Variants in SUGCT observed in about 807,000 individuals in gnomAD.
The protein encoded by SUGCT is succinyl-CoA:glutarate CoA-transferase.
SUGCT carries 41 observed loss-of-function variants against 55.0 expected under a neutral mutation model. The observed-to-expected ratio is 0.74, with a 90% CI of 0.58 to 0.97. SUGCT has a LOEUF of 0.97. Ranked by LOEUF, SUGCT falls within the 50% of genes least tolerant of loss-of-function variation. The pLI, the probability that SUGCT is intolerant of heterozygous loss-of-function variation, is 0.00. For missense variants in SUGCT, 568 were observed against 547.8 expected, an observed-to-expected ratio of 1.04 and a Z score of -0.37; for synonymous variants, 187 against 200.4, an observed-to-expected ratio of 0.93 and a Z score of 0.56.
chr7:40,604,824 C>T (rs532665863), intron 12 of SUGCT, among the ~76,000 whole-genome samples: 1 of 152,298 alleles, frequency 6.6e-6, no homozygotes, highest in East Asian at 1.9e-4. Flanking sequence ...TGCTCCCAAA[C>T]GGGTTTGCCT....
intron 9 of SUGCT, among the ~76,000 whole-genome samples, chr7:40,398,172 ACCTCCG>A (rs1286795704): frequency 2.6e-5 from 4 of 151,990 alleles, no homozygotes; most frequent in Non-Finnish European, 5.9e-5. Context: ...GCACGCTGCA[ACCTCCG>A]CCTCCCGGGT....
rs528484142 is a variant in SUGCT, at chr7:40,840,612, G to A, written c.1154-19704G>A. On this transcript the variant is annotated intron_variant, in intron 13 of 13. Transcript: ENST00000335693. ...ATGTTTACATCAGCGGAGACAAAAC[G>A]TCTCAAATCAATCATCTAAGTTTCT... is the stretch of plus-strand genomic sequence containing the variant. 7.2e-5 allele frequency among the ~76,000 whole-genome samples: 11 copies of A among 152,030 alleles called. No individual in the cohort carries two copies. The South Asian group carries it at 1.0e-3, about 14-fold the overall frequency.
chr7:40,418,705 A>G (rs4364550), intron 9 of SUGCT, among the ~76,000 whole-genome samples: 106,369 of 151,874 alleles, frequency 0.7, 37,698 homozygotes, highest in East Asian at 0.99. Context: ...TACAAGCGGG[A>G]TGTGGCCTGG....
At chr7:40,477,383 C>T (rs921935100) in intron 11 of SUGCT, among the ~76,000 whole-genome samples, 1 of 152,064 alleles carries the variant, frequency 6.6e-6, no homozygotes, top group Admixed American at 6.6e-5. Context: ...AAAGTGACTT[C>T]TTTCTGAATG....
At chr7:40,538,626 A>G (rs1237305775) in intron 12 of SUGCT, 2 of 152,230 alleles carry the variant, frequency 1.3e-5, no homozygotes, top group African/African-American at 4.8e-5. Flanking sequence ...TAGACAAGGT[A>G]TATTTAGCTT....
intron 9 of SUGCT, among the ~76,000 whole-genome samples, chr7:40,436,142 C>T (rs1788165565): frequency 6.6e-6 from 1 of 151,950 alleles, no homozygotes; most frequent in Admixed American, 6.6e-5. Flanking sequence ...AGGGTTTCGT[C>T]ATGTTGGCCA....
intron 12 of SUGCT, among the ~76,000 whole-genome samples, chr7:40,706,057 G>A (rs76759290): frequency 6.6e-6 from 1 of 152,026 alleles, no homozygotes; most frequent in Non-Finnish European, 1.5e-5. Flanking sequence ...GCCTAGGAAG[G>A]GCTCAGCATT....
At position 40,849,493 on chromosome 7, in the gene SUGCT, ATAT is replaced by A. The variant is rs1793743218; in HGVS notation, c.1154-10819_1154-10817del. On this transcript the variant is annotated intron_variant, in intron 13 of 13. Coordinates refer to ENST00000335693, the MANE Select transcript of SUGCT (RefSeq NM_001193313.2). ...AGGTCCCTTCCCTCATGATGATGTG[ATAT>A]TATGTTCCCATTACTTGAATATTCA... Among the ~76,000 whole-genome samples the A allele has an allele frequency of 2.0e-5, 3 of 152,176 alleles. No individual in the cohort carries two copies. In the East Asian group the frequency reaches 5.8e-4, roughly 29 times the overall value.
rs1357177110 is a variant in SUGCT at position 40,598,427 on chromosome 7, C to A, written c.1089+102041C>A. ...CAATTAATTCATGTATATCAGCATG[C>A]CAGGTCATTACTATACAGGCAGATG... On this transcript the variant is annotated intron_variant, in intron 12 of 13. Transcript: ENST00000335693. Among the ~76,000 whole-genome samples the A allele has an allele frequency of 2.6e-5, 4 of 152,136 alleles. No individual in the cohort carries two copies. The East Asian group carries it at 7.7e-4, about 29-fold the overall frequency.
At chr7:40,198,751 C>A (rs1229923779) in intron 6 of SUGCT, among the ~76,000 whole-genome samples, 1 of 150,588 alleles carries the variant, frequency 6.6e-6, no homozygotes, top group Non-Finnish European at 1.5e-5. Flanking sequence ...AATCCCAACA[C>A]TTTGAGAGGC....
the SUGCT span, among the ~76,000 whole-genome samples, chr7:40,996,778 G>A: frequency 6.6e-5 from 10 of 152,238 alleles, no homozygotes; most frequent in African/African-American, 2.4e-4. Context: ...GTTTCCCAAG[G>A]CAACCCCAAG....
the SUGCT span, among the ~76,000 whole-genome samples, chr7:41,003,312 G>T: frequency 6.6e-6 from 1 of 152,108 alleles, no homozygotes; most frequent in African/African-American, 2.4e-5. Context: ...AGCAGAAGCT[G>T]GACCTTGACA....
chr7:41,010,098 C>T, the SUGCT span, among the ~76,000 whole-genome samples: 1 of 152,192 alleles, frequency 6.6e-6, no homozygotes, highest in African/African-American at 2.4e-5. Context: ...TGCCCTCTAA[C>T]CTCACACCAC....
the SUGCT span, among the ~76,000 whole-genome samples, chr7:40,946,388 G>C: frequency 7.2e-5 from 11 of 152,236 alleles, no homozygotes; most frequent in East Asian, 1.6e-3. Flanking sequence ...ACAAGCTGTG[G>C]TTCCAGTGGG....
the SUGCT span, among the ~76,000 whole-genome samples, chr7:41,037,133 T>G: frequency 1.3e-5 from 2 of 152,228 alleles, no homozygotes; most frequent in African/African-American, 4.8e-5. Flanking sequence ...TGATTACGTG[T>G]GTGAAATTTG....
intron 12 of SUGCT, among the ~76,000 whole-genome samples, chr7:40,720,702 T>C (rs569064875): frequency 6.6e-6 from 1 of 152,330 alleles, no homozygotes; most frequent in African/African-American, 2.4e-5. Context: ...ATAAGTAAAA[T>C]AATAGCCTTT....
the SUGCT span, among the ~76,000 whole-genome samples, chr7:40,913,831 CT>C: frequency 3.3e-5 from 5 of 152,202 alleles, no homozygotes; most frequent in Admixed American, 3.3e-4. Context: ...AAGAGCCAAA[CT>C]GAAATGCACA....
chr7:40,353,774 C>G (rs1227980068), intron 9 of SUGCT, among the ~76,000 whole-genome samples: 1 of 152,138 alleles, frequency 6.6e-6, no homozygotes, highest in Non-Finnish European at 1.5e-5. Flanking sequence ...TCATCAACAT[C>G]AAACTTAAAT....
chr7:40,444,971 A>G (rs527617317), intron 9 of SUGCT, among the ~76,000 whole-genome samples: 1 of 152,300 alleles, frequency 6.6e-6, no homozygotes, highest in East Asian at 1.9e-4. Context: ...TTCTGCATCT[A>G]TGGAGGTAAT....
Sources: gnomAD v4.1 joint callset for allele counts (sites outside exome capture counted in the v4.1 genomes callset) on GRCh38, gnomAD v4.1.1 for gene constraint, MANE v1.5 for transcripts, NCBI Gene and HGNC (gene_info 2026-07-23, HGNC 2026-07-21) for gene names.